KIT: variants seen among roughly 807,000 people sequenced by gnomAD.
The protein encoded by KIT is KIT proto-oncogene, receptor tyrosine kinase, also known as mast/stem cell growth factor receptor Kit.
KIT carries 16 observed loss-of-function variants against 105.7 expected under a neutral mutation model. The observed-to-expected ratio is 0.15, with a 90% confidence interval of 0.10 to 0.23. KIT has a LOEUF of 0.23. Among genes scored for constraint, KIT ranks in the 10% least tolerant of loss-of-function variants. KIT has a pLI of 1.00. For missense variants in KIT, 858 were observed against 1,213.8 expected (o/e 0.71, Z 4.36); for synonymous variants, 438 against 441.1 (o/e 0.99, Z 0.09).
chr4:54,725,145 C>T (rs943022203), intron 8 of KIT, among the ~76,000 whole-genome samples: 16 of 152,226 alleles, frequency 1.1e-4, no homozygotes, highest in African/African-American at 3.9e-4. Flanking sequence ...CACTCTCTTG[C>T]CCAGGCTGGA....
At chr4:54,736,158 G>A (rs1357386784) in intron 17 of KIT, among the ~76,000 whole-genome samples, 2 of 152,046 alleles carry the variant, frequency 1.3e-5, no homozygotes, top group Non-Finnish European at 2.9e-5. Context: ...AGGAAGGAGA[G>A]GGACATATTC....
chr4:54,698,202 C>CAACA lies in KIT; in HGVS notation c.338-81_338-78dup. On this transcript the variant is annotated intron_variant, in intron 2 of 20. Transcript: ENST00000288135. ...CATTTGGGCCACTAGTCATGAAAGG[C>CAACA]AACATATTAGATCTTTTAAAAAGTG... is the stretch of plus-strand genomic sequence containing the variant. 7 of 1,411,824 alleles carry CAACA rather than the reference C, an allele frequency of 5.0e-6. No individual in the cohort carries two copies. In the South Asian group the frequency reaches 7.4e-5, roughly 15 times the overall value. 87.5% of individuals were successfully genotyped at this position (1,411,824 alleles called of 1,614,324 possible). A position where few individuals can be genotyped will look rare whatever the true frequency, so the allele number is the denominator to read the frequency against.
chr4:54,668,565 CAG>C (rs1264539426), intron 1 of KIT, among the ~76,000 whole-genome samples: 2 of 152,112 alleles, frequency 1.3e-5, no homozygotes, highest in African/African-American at 2.4e-5. Context: ...AATTAGTTAA[CAG>C]AGTTAGAACA....
chr4:54,690,068 G>T (rs907706183), intron 1 of KIT, among the ~76,000 whole-genome samples: 3 of 141,380 alleles, frequency 2.1e-5, no homozygotes, highest in South Asian at 2.4e-4. Context: ...TGGGGGGGGG[G>T]GGCTGTGTAA....
At chr4:54,693,870 C>T (rs1005758751) in intron 1 of KIT, among the ~76,000 whole-genome samples, 17 of 152,204 alleles carry the variant, frequency 1.1e-4, no homozygotes, top group African/African-American at 4.1e-4. Context: ...TTTTTCATCC[C>T]GCTGATATGG....
intron 1 of KIT, among the ~76,000 whole-genome samples, chr4:54,691,820 T>C (rs1719731949): frequency 1.3e-5 from 2 of 151,598 alleles, no homozygotes; most frequent in Admixed American, 1.3e-4. Context: ...TGGTCTCAAG[T>C]GGAACAGCAG....
At chr4:54,723,746 T>G in intron 8 of KIT, 48 bp downstream of exon 8, 1 of 1,003,364 alleles carries the variant, frequency 1.0e-6, no homozygotes, top group Non-Finnish European at 1.6e-6. Flanking sequence ...GGGGAAGGAC[T>G]GCAATTCACT....
chr4:54,717,904 C>T (rs1721605487), intron 7 of KIT, among the ~76,000 whole-genome samples: 1 of 152,016 alleles, frequency 6.6e-6, no homozygotes, highest in Non-Finnish European at 1.5e-5. Flanking sequence ...GTCTTCCTCC[C>T]CACGGCTGGG....
chr4:54,730,581 A>G (rs1357028339), intron 14 of KIT, among the ~76,000 whole-genome samples: 3 of 152,132 alleles, frequency 2.0e-5, no homozygotes, highest in Non-Finnish European at 4.4e-5. Context: ...ATATGAAGAA[A>G]TGAGCCATTT....
At chr4:54,718,795 T>C (rs943044474) in intron 7 of KIT, among the ~76,000 whole-genome samples, 3 of 152,238 alleles carry the variant, frequency 2.0e-5, no homozygotes. Flanking sequence ...AATAAACTTC[T>C]GTTAGTGTCC....
intron 7 of KIT, among the ~76,000 whole-genome samples, chr4:54,721,863 C>T (rs1001494174): frequency 1.3e-5 from 2 of 152,132 alleles, no homozygotes; most frequent in African/African-American, 4.8e-5. Context: ...TCAGACTATT[C>T]TAAAGAAGGA....
chr4:54,684,016 G>C (rs980397703), intron 1 of KIT, among the ~76,000 whole-genome samples: 1 of 152,166 alleles, frequency 6.6e-6, no homozygotes, highest in Non-Finnish European at 1.5e-5. Flanking sequence ...AGGTGGGATC[G>C]GCACAAATGA....
chr4:54,729,501 A>T lies in KIT; in HGVS notation c.2141+16A>T, dbSNP rs1449956077. 5.0e-6 allele frequency: 8 copies of T among 1,612,098 alleles called. No homozygotes were observed. Among genetic ancestry groups the T allele is most frequent in the East Asian group, 2.2e-5 (1 of 44,846 alleles). On this transcript the variant is annotated intron_variant, in intron 14 of 20. Coordinates refer to ENST00000288135, the MANE Select transcript of KIT (RefSeq NM_000222.3). Reference sequence around the variant, plus strand: ...AGTCTTCCTGGTAAGACTGATTTACATAAATAGTTAGCTGTTGACAGGCAG... The same window carrying T: ...AGTCTTCCTGGTAAGACTGATTTACTTAAATAGTTAGCTGTTGACAGGCAG...
intron 1 of KIT, among the ~76,000 whole-genome samples, chr4:54,667,713 G>A (rs1235923558): frequency 2.0e-5 from 3 of 152,154 alleles, no homozygotes; most frequent in South Asian, 4.2e-4. Flanking sequence ...AATAATTGAA[G>A]TCTTTCCTGC....
intron 8 of KIT, 96 bp from the exon 9 acceptor site, chr4:54,725,761 T>G (rs1483332178): frequency 3.5e-6 from 4 of 1,142,942 alleles, no homozygotes; most frequent in African/African-American, 1.5e-5. Flanking sequence ...ATTATGAACC[T>G]CTAACTTTGT....
chr4:54,699,726 C>T lies in KIT; in HGVS notation c.716C>T (p.Ser239Phe). 1 of 1,613,924 alleles carries T rather than the reference C, an allele frequency of 6.2e-7. No individual in the cohort carries two copies. Among genetic ancestry groups the T allele is most frequent in the Non-Finnish European group, 8.5e-7 (1 of 1,179,868 alleles). The stretch of plus-strand genomic sequence containing the variant: ...GTGACGTGCACAATAAAAGATGTGT[C>T]TAGTTCTGTGTACTCAACGTGGAAA... ...FTVTCTIKDVSSSVYSTWKRE... is the reference protein window; with the variant it reads ...FTVTCTIKDVFSSVYSTWKRE... Residue 239 changes from serine (S) to phenylalanine (F), a missense_variant, in exon 4 of 21, where the codon TCT becomes TTT. Coordinates refer to ENST00000288135, the MANE Select transcript of KIT (RefSeq NM_000222.3).
chr4:54,702,193 G>A (rs955326310), intron 4 of KIT, among the ~76,000 whole-genome samples: 1 of 152,000 alleles, frequency 6.6e-6, no homozygotes, highest in African/African-American at 2.4e-5. Context: ...TAATTCCACC[G>A]TCATAGATAG....
At chr4:54,659,073 A>G (rs1260777638) in intron 1 of KIT, among the ~76,000 whole-genome samples, 1 of 151,894 alleles carries the variant, frequency 6.6e-6, no homozygotes, top group Non-Finnish European at 1.5e-5. Flanking sequence ...CTGTATTCGC[A>G]GGTCCTGTTT....
At chr4:54,669,211 ACCC>A (rs11345859) in intron 1 of KIT, among the ~76,000 whole-genome samples, 4 of 147,214 alleles carry the variant, frequency 2.7e-5, no homozygotes, top group African/African-American at 7.5e-5. Context: ...ATAAAAGAGG[ACCC>A]CCCCCCCTTG....
Sources: gnomAD v4.1 joint callset for allele counts (sites outside exome capture counted in the v4.1 genomes callset) on GRCh38, gnomAD v4.1.1 for gene constraint, MANE v1.5 for transcripts, NCBI Gene and HGNC (gene_info 2026-07-23, HGNC 2026-07-21) for gene names.